The following SOX6 variants were observed in gnomAD, a reference collection of about 807,000 sequenced individuals.
The protein encoded by SOX6 is SRY-box transcription factor 6, also known as transcription factor SOX-6.
In SOX6, 11 loss-of-function variants were observed where a neutral mutation model predicts 97.8. That is an observed-to-expected ratio of 0.11 (90% confidence interval 0.07 to 0.19). The LOEUF (loss-of-function observed/expected upper bound fraction) is 0.19. Among genes scored for constraint, SOX6 ranks in the 10% least tolerant of loss-of-function variants. The pLI is 1.00. For synonymous variants in SOX6, 360 were observed against 371.4 expected (o/e 0.97, Z 0.35); for missense variants, 810 against 1,039.5 (o/e 0.78, Z 3.04).
intron 1 of SOX6, among the ~76,000 whole-genome samples, chr11:16,423,689 A>G (rs568845764): frequency 6.6e-6 from 1 of 152,294 alleles, no homozygotes; most frequent in East Asian, 1.9e-4. Context: ...TTGAAGTGAC[A>G]ATGAGACATC....
At chr11:16,524,872 C>A (rs1305855980) in intron 4 of SOX6, among the ~76,000 whole-genome samples, 1 of 152,118 alleles carries the variant, frequency 6.6e-6, no homozygotes, top group South Asian at 2.1e-4. Flanking sequence ...GAGTGAACTC[C>A]CATTCACAAT....
intron 3 of SOX6, among the ~76,000 whole-genome samples, chr11:16,239,565 A>G (rs925115073): frequency 6.6e-6 from 1 of 152,100 alleles, no homozygotes; most frequent in Non-Finnish European, 1.5e-5. Context: ...TTTTGATCCA[A>G]AAGTCAAACC....
At chr11:16,422,688 A>G (rs1383923787) in intron 1 of SOX6, among the ~76,000 whole-genome samples, 3 of 152,244 alleles carry the variant, frequency 2.0e-5, no homozygotes, top group East Asian at 1.9e-4. Context: ...CCTAGCCAGC[A>G]CTGCTCACTA....
At chr11:16,496,722 T>C (rs1294751086) in intron 4 of SOX6, among the ~76,000 whole-genome samples, 4 of 152,190 alleles carry the variant, frequency 2.6e-5, no homozygotes, top group Admixed American at 6.5e-5. Context: ...CTCTCATTGC[T>C]AGCACAGCAG....
At chr11:16,155,324 T>G (rs935608085) in intron 6 of SOX6, among the ~76,000 whole-genome samples, 2 of 152,124 alleles carry the variant, frequency 1.3e-5, no homozygotes, top group African/African-American at 4.8e-5. Flanking sequence ...CTTGGACAAA[T>G]TATTTAACCT....
At chr11:16,596,180 A>G (rs1848211294) in intron 4 of SOX6, among the ~76,000 whole-genome samples, 1 of 152,250 alleles carries the variant, frequency 6.6e-6, no homozygotes, top group Non-Finnish European at 1.5e-5. Flanking sequence ...AGTGTAAGAT[A>G]CAAGATTTTA....
chr11:16,527,813 T>C (rs932524481), intron 4 of SOX6, among the ~76,000 whole-genome samples: 2 of 152,100 alleles, frequency 1.3e-5, no homozygotes, highest in Non-Finnish European at 2.9e-5. Flanking sequence ...ACAGCCAACC[T>C]GCAAACCCAT....
chr11:16,734,975 C>T lies in SOX6; in HGVS notation n.353+1364G>A, dbSNP rs188459750. 9.1e-4 allele frequency among the ~76,000 whole-genome samples: 138 copies of T among 152,130 alleles called. 2 individuals are homozygous for T. Among genetic ancestry groups the T allele is most frequent in the Non-Finnish European group, 1.1e-3 (77 of 67,996 alleles). On this transcript the variant is annotated intron_variant and non_coding_transcript_variant, in intron 2 of 5. Coordinates refer to the SOX6 transcript ENST00000524520. Reference sequence around the variant, plus strand: ...ATCAGAATATCGACCTTATTCTGACCTCAAGAACTGAATTCTTATTTTAAT... The same window carrying T: ...ATCAGAATATCGACCTTATTCTGACTTCAAGAACTGAATTCTTATTTTAAT...
At chr11:16,287,292 T>TCACACA (rs1181480588) in intron 3 of SOX6, among the ~76,000 whole-genome samples, 1 of 90,996 alleles carries the variant, frequency 1.1e-5, no homozygotes. Flanking sequence ...TCTCTCTCTC[T>TCACACA]CTCTCTCACA....
intron 3 of SOX6, among the ~76,000 whole-genome samples, chr11:16,283,281 T>C (rs919553617): frequency 6.0e-5 from 9 of 150,054 alleles, no homozygotes; most frequent in South Asian, 2.1e-4. Flanking sequence ...TAAACAATCA[T>C]AAACAAGAAA....
intron 9 of SOX6, among the ~76,000 whole-genome samples, chr11:16,092,946 A>C (rs1483180659): frequency 6.6e-6 from 1 of 151,856 alleles, no homozygotes; most frequent in East Asian, 1.9e-4. Flanking sequence ...AATTTACATG[A>C]CTGCCTCATT....
intron 4 of SOX6, among the ~76,000 whole-genome samples, chr11:16,497,212 A>G (rs1265005037): frequency 6.6e-6 from 1 of 152,234 alleles, no homozygotes; most frequent in Non-Finnish European, 1.5e-5. Flanking sequence ...AACAGGGACT[A>G]GAGTGGACCT....
chr11:16,127,323 A>G lies in SOX6; in HGVS notation c.778-15400T>C, dbSNP rs1402974709. ...TTTGTTGTTTTTGCACTCAAAATCT[A>G]TTCTTCATGTATACTTACTCACCTC... On this transcript the variant is annotated intron_variant, in intron 6 of 15. Coordinates refer to ENST00000683767, the MANE Select transcript of SOX6 (RefSeq NM_001367873.1). Among the ~76,000 whole-genome samples the G allele has an allele frequency of 2.0e-5, 3 of 152,086 alleles. No homozygotes were observed. In the East Asian group the frequency reaches 5.8e-4, roughly 29 times the overall value.
chr11:16,660,557 T>C (rs1847758539), intron 3 of SOX6, among the ~76,000 whole-genome samples: 1 of 152,232 alleles, frequency 6.6e-6, no homozygotes, highest in African/African-American at 2.4e-5. Flanking sequence ...GAATGCATAC[T>C]TTGCTAGTAT....
intron 4 of SOX6, among the ~76,000 whole-genome samples, chr11:16,216,212 G>T (rs762324314): frequency 1.3e-5 from 2 of 152,128 alleles, no homozygotes; most frequent in African/African-American, 4.8e-5. Context: ...TTTTGTCAGC[G>T]CTTTCTCTCT....
At chr11:15,992,718 A>G (rs977638396) in intron 13 of SOX6, among the ~76,000 whole-genome samples, 1 of 152,144 alleles carries the variant, frequency 6.6e-6, no homozygotes, top group Non-Finnish European at 1.5e-5. Context: ...TAAACCACAA[A>G]TGCCCCACAA....
At chr11:16,269,166 A>G (rs1854170039) in intron 3 of SOX6, among the ~76,000 whole-genome samples, 1 of 150,812 alleles carries the variant, frequency 6.6e-6, no homozygotes, top group African/African-American at 2.4e-5. Context: ...TATACCATAT[A>G]TTAAAAAGTT....
At chr11:16,164,659 A>G (rs970540698) in intron 6 of SOX6, among the ~76,000 whole-genome samples, 2 of 151,994 alleles carry the variant, frequency 1.3e-5, no homozygotes, top group African/African-American at 4.8e-5. Flanking sequence ...CGTCTCTACT[A>G]AACTACAAAA....
chr11:15,980,101 T>C (rs967760907), intron 15 of SOX6, among the ~76,000 whole-genome samples: 1 of 152,042 alleles, frequency 6.6e-6, no homozygotes, highest in African/African-American at 2.4e-5. Flanking sequence ...GAAGAAAAGA[T>C]GTAATGAGAC....
Sources: gnomAD v4.1 joint callset for allele counts (sites outside exome capture counted in the v4.1 genomes callset) on GRCh38, gnomAD v4.1.1 for gene constraint, MANE v1.5 for transcripts, NCBI Gene and HGNC (gene_info 2026-07-23, HGNC 2026-07-21) for gene names.